Variants in KIAA1614 observed in about 807,000 individuals in gnomAD.
KIAA1614 encodes KIAA1614.
KIAA1614 carries 76 observed loss-of-function variants against 88.7 expected under a neutral mutation model. That is an observed-to-expected ratio of 0.86 (90% CI 0.71 to 1.04). The LOEUF (loss-of-function observed/expected upper bound fraction) is 1.04, where lower values mean the gene tolerates loss of function less well. Among genes scored for constraint, KIAA1614 ranks in the 50% least tolerant of loss-of-function variants. KIAA1614 has a pLI of 0.00. For synonymous variants in KIAA1614, 714 were observed against 675.5 expected, an observed-to-expected ratio of 1.06 and a Z score of -0.88; for missense variants, 1,553 against 1,582.5, an observed-to-expected ratio of 0.98 and a Z score of 0.32.
chr1:180,916,592 G>T lies in KIAA1614; in HGVS notation c.489G>T (p.Arg163Ser). 1 of 1,606,402 alleles carries T rather than the reference G, an allele frequency of 6.2e-7. No individual in the cohort carries two copies. Among genetic ancestry groups the T allele is most frequent in the Non-Finnish European group, 8.5e-7 (1 of 1,175,414 alleles). The change falls in exon 2 of 9, where the codon AGG becomes AGT. Residue 163 changes from arginine (R) to serine (S), a missense_variant. Transcript: ENST00000367588. ...DGSINEEQPA[R>S]DGGPRLPRPP... The stretch of plus-strand genomic sequence containing the variant: ...GCATCAATGAGGAGCAACCCGCCAG[G>T]GATGGAGGCCCCAGGCTTCCCAGGC...
At chr1:180,934,537 C>T (rs569668563) in intron 4 of KIAA1614, among the ~76,000 whole-genome samples, 2 of 152,258 alleles carry the variant, frequency 1.3e-5, no homozygotes, top group African/African-American at 4.8e-5. Flanking sequence ...CTGTAGTGAA[C>T]CGAGATCATG....
chr1:180,947,323 G>A lies in KIAA1614; in HGVS notation c.*1735G>A, dbSNP rs930467896. ...TGGGAGCCACTAGAGGGCTCGGAGC[G>A]AGCACTGAGACTCTCTAATGTCTAT... On this transcript the variant is annotated 3_prime_UTR_variant, in exon 9 of 9. Coordinates refer to ENST00000367588, the MANE Select transcript of KIAA1614 (RefSeq NM_020950.2). 6.6e-6 allele frequency: 1 copy of A among 152,308 alleles called. No homozygotes were observed. The highest frequency in any genetic ancestry group is 2.4e-5 in the African/African-American group (1 of 41,458). 9.4% of individuals were successfully genotyped at this position (152,308 alleles called of 1,614,324 possible).
intron 4 of KIAA1614, among the ~76,000 whole-genome samples, chr1:180,929,602 G>GC (rs970622947): frequency 2.6e-5 from 4 of 152,196 alleles, no homozygotes; most frequent in African/African-American, 9.7e-5. Flanking sequence ...ACACATGACT[G>GC]CCCCCTGAGC....
chr1:180,922,076 C>A (rs541014772), intron 3 of KIAA1614, among the ~76,000 whole-genome samples: 3 of 152,238 alleles, frequency 2.0e-5, no homozygotes, highest in Non-Finnish European at 2.9e-5. Context: ...GCGGCCAGCC[C>A]GAGGCCCTCG....
At chr1:180,927,191 G>A (rs1229371539) in intron 3 of KIAA1614, among the ~76,000 whole-genome samples, 1 of 152,152 alleles carries the variant, frequency 6.6e-6, no homozygotes, top group East Asian at 1.9e-4. Flanking sequence ...CCCCCAGTCA[G>A]GACCATGGTG....
In KIAA1614 at chr1:180,945,391, G is replaced by T; in HGVS notation, c.3376G>T (p.Val1126Leu). 6.2e-7 allele frequency: 1 copy of T among 1,602,242 alleles called. No individual in the cohort carries two copies. The highest frequency in any genetic ancestry group is 8.5e-7 in the Non-Finnish European group (1 of 1,176,250). The change falls in exon 9 of 9, where the codon GTG becomes TTG. Residue 1126 changes from valine to leucine, a missense_variant. Val to Leu is a conservative substitution (Grantham distance 32). Coordinates refer to ENST00000367588, the MANE Select transcript of KIAA1614 (RefSeq NM_020950.2). ...LARTVGRLVE[V>L]FPDGTSQLQL... ...TCGCACCGTGGGCCGCCTGGTGGAGGTGTTCCCAGACGGCACCAGCCAGCT... is the reference window on the plus strand; with the variant it reads ...TCGCACCGTGGGCCGCCTGGTGGAGTTGTTCCCAGACGGCACCAGCCAGCT...
At chr1:180,913,439 C>G (rs1032779117) in intron 1 of KIAA1614, 146 bp downstream of exon 1, 2 of 426,384 alleles carry the variant, frequency 4.7e-6, no homozygotes, top group Non-Finnish European at 7.8e-6. Flanking sequence ...GGAGGCCCGC[C>G]CTTCACGTCC....
chr1:180,925,499 AAC>A (rs1654049625), intron 3 of KIAA1614, among the ~76,000 whole-genome samples: 1 of 152,236 alleles, frequency 6.6e-6, no homozygotes. Flanking sequence ...GAAAGGGTTA[AAC>A]ACAGACTCGC....
chr1:180,939,239 A>G (rs1368657681), intron 6 of KIAA1614, among the ~76,000 whole-genome samples: 3 of 152,230 alleles, frequency 2.0e-5, no homozygotes, highest in Admixed American at 2.0e-4. Context: ...GTGACACACT[A>G]TGCCTGGTGG....
In KIAA1614 at chr1:180,950,522, G is replaced by A; in HGVS notation, c.*4934G>A. 9.0e-7 allele frequency: 1 copy of A among 1,109,404 alleles called. No individual in the cohort carries two copies. The highest frequency in any genetic ancestry group is 1.1e-6 in the Non-Finnish European group (1 of 897,764). The allele number at this position is 1,109,404 out of a possible 1,614,324, so 68.7% of individuals were successfully genotyped here. ...AATCCGTGTCCTGAGGCAGAGACCT[G>A]TCCCACGGTGACCCAGAAGTGCCGC... is the stretch of plus-strand genomic sequence containing the variant. On this transcript the variant is annotated 3_prime_UTR_variant, in exon 9 of 9. Coordinates refer to ENST00000367588, the MANE Select transcript of KIAA1614 (RefSeq NM_020950.2).
intron 6 of KIAA1614, 43 bp from the exon 7 acceptor site, chr1:180,941,002 C>CCCCGGG: frequency 2.0e-6 from 1 of 502,364 alleles, no homozygotes; most frequent in Non-Finnish European, 3.3e-6. Context: ...TGGCCACCCT[C>CCCCGGG]CCGGCCCTCC....
chr1:180,943,034 T>TTTTTTTTTTTTTG (rs1553260094), intron 7 of KIAA1614, among the ~76,000 whole-genome samples: 16 of 139,578 alleles, frequency 1.1e-4, no homozygotes, highest in South Asian at 4.4e-4. Context: ...TTGGGTTTTT[T>TTTTTTTTTTTTTG]TTTTTTTTTT....
chr1:180,937,768 T>C (rs1404296246), intron 5 of KIAA1614, among the ~76,000 whole-genome samples: 1 of 152,178 alleles, frequency 6.6e-6, no homozygotes, highest in Non-Finnish European at 1.5e-5. Context: ...TACACAAACC[T>C]TGAGGCAACC....
chr1:180,919,476 C>T (rs557829374), intron 3 of KIAA1614, among the ~76,000 whole-genome samples: 7 of 152,206 alleles, frequency 4.6e-5, no homozygotes, highest in South Asian at 2.1e-4. Context: ...AAGTTGCCTT[C>T]TGTCTTTTTC....
intron 4 of KIAA1614, among the ~76,000 whole-genome samples, chr1:180,930,970 A>G (rs1654184584): frequency 6.6e-6 from 1 of 152,184 alleles, no homozygotes; most frequent in Admixed American, 6.5e-5. Flanking sequence ...CAGATGCATC[A>G]CTTCTAAAGA....
intron 4 of KIAA1614, among the ~76,000 whole-genome samples, chr1:180,929,797 C>G (rs1654152624): frequency 1.3e-5 from 2 of 152,248 alleles, no homozygotes; most frequent in Admixed American, 6.5e-5. Flanking sequence ...GCTAGCAAAG[C>G]CTGTGGCTTC....
At position 180,936,287 on chromosome 1, in the gene KIAA1614, A is replaced by C. The variant is rs114151345; in HGVS notation, c.2378A>C (p.Gln793Pro). The C allele has an allele frequency of 2.2e-3, 3,606 of 1,614,026 alleles. 78 individuals are homozygous for C. In the African/African-American group the frequency reaches 0.044, roughly 20 times the overall value. ...QSHAEPSAPHQAWQPTASLCP... is the reference protein window; with the variant it reads ...QSHAEPSAPHPAWQPTASLCP... ...CATGCAGAGCCTTCTGCCCCACACC[A>C]AGCCTGGCAGCCAACAGCTTCCTTG... Residue 793 changes from glutamine (Q) to proline (P), a missense_variant, in exon 5 of 9, where the codon CAA becomes CCA. Physicochemically the swap from Gln to Pro is moderately conservative, Grantham distance 76. Coordinates refer to ENST00000367588, the MANE Select transcript of KIAA1614 (RefSeq NM_020950.2).
At chr1:180,944,670 C>T (rs973935923) in intron 8 of KIAA1614, 154 bp downstream of exon 8, 8 of 802,654 alleles carry the variant, frequency 1.0e-5, no homozygotes, top group South Asian at 3.8e-5. Context: ...GAGGCTGCCA[C>T]GGGAGTCTCA....
Position 180,950,367 on chromosome 1 carries a change from T to G in KIAA1614, c.*4779T>G. ...ATCTACGTGCAGGAGATGGCTGACA[T>G]GAGCATGGCCAAGCTGTACTCAGGG... On this transcript the variant is annotated 3_prime_UTR_variant, in exon 9 of 9. Transcript: ENST00000367588. The G allele has an allele frequency of 8.1e-7, 1 of 1,227,664 alleles. No individual in the cohort carries two copies. The highest frequency in any genetic ancestry group is 1.0e-6 in the Non-Finnish European group (1 of 957,724). The allele number at this position is 1,227,664 out of a possible 1,614,324, so 76.0% of individuals were successfully genotyped here. A position where few individuals can be genotyped will look rare whatever the true frequency, so the allele number is the denominator to read the frequency against.
Sources: gnomAD v4.1 joint callset for allele counts (sites outside exome capture counted in the v4.1 genomes callset) on GRCh38, gnomAD v4.1.1 for gene constraint, MANE v1.5 for transcripts, NCBI Gene and HGNC (gene_info 2026-07-23, HGNC 2026-07-21) for gene names.